Variants in RAD51B observed in about 807,000 individuals in gnomAD.
RAD51B encodes the protein DNA repair protein RAD51 homolog 2.
Under a neutral mutation model 42.2 loss-of-function variants are expected in RAD51B, and 38 were observed. The observed-to-expected ratio is 0.90, with a 90% confidence interval of 0.70 to 1.18. The LOEUF (loss-of-function observed/expected upper bound fraction) is 1.18. Among genes scored for constraint, RAD51B ranks in the 50% most tolerant of loss-of-function variants. The pLI, the probability that RAD51B is intolerant of heterozygous loss-of-function variation, is 0.00. For synonymous variants in RAD51B, 154 were observed against 145.2 expected (o/e 1.06, Z -0.43); for missense variants, 373 against 400.7 (o/e 0.93, Z 0.59).
At chr14:68,159,556 G>A (rs1389585089) in intron 7 of RAD51B, among the ~76,000 whole-genome samples, 5 of 150,988 alleles carry the variant, frequency 3.3e-5, no homozygotes, top group African/African-American at 9.7e-5. Context: ...GGAGGTGGAG[G>A]TTGCAGTGAG....
At chr14:68,573,956 G>A (rs539619969) in intron 10 of RAD51B, among the ~76,000 whole-genome samples, 3 of 141,734 alleles carry the variant, frequency 2.1e-5, no homozygotes, top group East Asian at 4.2e-4. Context: ...GTGTGGGGGT[G>A]TGGGTGTGGG....
At chr14:68,562,256 G>A (rs2525504) in intron 10 of RAD51B, 741,072 of 985,184 alleles carry the variant, frequency 0.75, 282,867 homozygotes, top group Non-Finnish European at 0.78. Flanking sequence ...CACTCAACAG[G>A]TGGGGGCCAG....
intron 8 of RAD51B, among the ~76,000 whole-genome samples, chr14:68,381,622 G>A (rs1218816828): frequency 1.3e-5 from 2 of 152,168 alleles, no homozygotes; most frequent in Non-Finnish European, 2.9e-5. Flanking sequence ...CTTGCAGTGA[G>A]CCGAGTTTGC....
chr14:68,326,752 G>A (rs769064607), intron 8 of RAD51B, among the ~76,000 whole-genome samples: 2 of 152,260 alleles, frequency 1.3e-5, no homozygotes, highest in Non-Finnish European at 2.9e-5. Flanking sequence ...TACATATTGT[G>A]TCAGCCAGGA....
intron 10 of RAD51B, among the ~76,000 whole-genome samples, chr14:68,510,684 C>T (rs1885667837): frequency 6.6e-6 from 1 of 152,198 alleles, no homozygotes; most frequent in East Asian, 1.9e-4. Context: ...CTTCTGAGAG[C>T]TTTAAATTCC....
At chr14:67,824,320 C>T (rs967159349) in intron 2 of RAD51B, among the ~76,000 whole-genome samples, 2 of 152,128 alleles carry the variant, frequency 1.3e-5, no homozygotes, top group Middle Eastern at 3.2e-3. Context: ...TACAGTGGTG[C>T]CATATCGGCT....
intron 9 of RAD51B, among the ~76,000 whole-genome samples, chr14:68,422,368 C>T (rs1339381353): frequency 6.6e-6 from 1 of 151,936 alleles, no homozygotes; most frequent in East Asian, 1.9e-4. Flanking sequence ...TGAGCCCAGC[C>T]TGGCCAAGGT....
chr14:68,363,600 CCTT>C (rs1776488740), intron 8 of RAD51B, among the ~76,000 whole-genome samples: 1 of 152,266 alleles, frequency 6.6e-6, no homozygotes, highest in South Asian at 2.1e-4. Context: ...CACTCTGTGT[CCTT>C]CTTCCCTGTT....
chr14:68,559,811 G>A (rs145070158), intron 10 of RAD51B, among the ~76,000 whole-genome samples: 1 of 152,144 alleles, frequency 6.6e-6, no homozygotes, highest in South Asian at 2.1e-4. Context: ...AGACACACAC[G>A]CTTGCCAGGA....
intron 8 of RAD51B, among the ~76,000 whole-genome samples, chr14:68,309,655 T>G (rs2081931436): frequency 6.6e-6 from 1 of 152,200 alleles, no homozygotes; most frequent in African/African-American, 2.4e-5. Context: ...CATAATATTT[T>G]AATAATAACA....
At chr14:68,267,278 A>G (rs2081011481) in intron 7 of RAD51B, among the ~76,000 whole-genome samples, 1 of 152,240 alleles carries the variant, frequency 6.6e-6, no homozygotes, top group Non-Finnish European at 1.5e-5. Context: ...AATAATAGGA[A>G]AACCGTGACA....
intron 7 of RAD51B, among the ~76,000 whole-genome samples, chr14:67,998,053 G>A (rs1266170586): frequency 1.3e-5 from 2 of 152,138 alleles, no homozygotes; most frequent in Non-Finnish European, 2.9e-5. Flanking sequence ...TTTTACTCTA[G>A]GGCAGTGGCT....
chr14:68,417,624 G>A (rs537922220), intron 9 of RAD51B, among the ~76,000 whole-genome samples: 22 of 152,260 alleles, frequency 1.4e-4, no homozygotes, highest in African/African-American at 4.6e-4. Flanking sequence ...GAAATCCTAC[G>A]GAAAGTGTGT....
At chr14:68,198,761 A>G (rs2079425704) in intron 7 of RAD51B, among the ~76,000 whole-genome samples, 1 of 152,178 alleles carries the variant, frequency 6.6e-6, no homozygotes, top group African/African-American at 2.4e-5. Flanking sequence ...TCAGCCTTGA[A>G]GTTTGAAAGA....
intron 7 of RAD51B, among the ~76,000 whole-genome samples, chr14:67,975,814 T>G (rs2074982332): frequency 6.6e-6 from 1 of 152,270 alleles, no homozygotes; most frequent in Non-Finnish European, 1.5e-5. Context: ...TAGTTCACAC[T>G]GTGTAGAGAA....
chr14:68,040,226 C>T (rs1372256338), intron 7 of RAD51B, among the ~76,000 whole-genome samples: 1 of 152,176 alleles, frequency 6.6e-6, no homozygotes, highest in Non-Finnish European at 1.5e-5. Flanking sequence ...CACACCTGCT[C>T]CTTATAGTAG....
intron 10 of RAD51B, among the ~76,000 whole-genome samples, chr14:68,542,560 G>T (rs539365212): frequency 2.0e-5 from 3 of 152,212 alleles, no homozygotes; most frequent in African/African-American, 7.2e-5. Context: ...ACCATTTGCC[G>T]CCTCTGCAAT....
At chr14:68,460,290 A>G (rs570971098) in intron 9 of RAD51B, among the ~76,000 whole-genome samples, 2 of 152,242 alleles carry the variant, frequency 1.3e-5, no homozygotes, top group African/African-American at 4.8e-5. Flanking sequence ...GGTCTCTACT[A>G]AAAATACAAA....
intron 7 of RAD51B, among the ~76,000 whole-genome samples, chr14:68,230,920 A>G (rs2080136400): frequency 6.6e-6 from 1 of 152,226 alleles, no homozygotes. Flanking sequence ...ATGGAAGGTC[A>G]ACATTAGGGC....
Sources: gnomAD v4.1 joint callset for allele counts (sites outside exome capture counted in the v4.1 genomes callset) on GRCh38, gnomAD v4.1.1 for gene constraint, MANE v1.5 for transcripts, NCBI Gene and HGNC (gene_info 2026-07-23, HGNC 2026-07-21) for gene names.